The following TG variants were observed in gnomAD, a reference collection of about 807,000 sequenced individuals.
The protein encoded by TG is thyroid hormones.
Under a neutral mutation model 324.7 loss-of-function variants are expected in TG, and 270 were observed. The observed-to-expected ratio is 0.83, with a 90% confidence interval of 0.75 to 0.92. The LOEUF (loss-of-function observed/expected upper bound fraction) is 0.92, where lower values mean the gene tolerates loss of function less well. Ranked by LOEUF, TG falls within the 40% of genes least tolerant of loss-of-function variation. The probability of loss-of-function intolerance (pLI) is 0.00; values close to 1 mark genes in which losing one functional copy is unlikely to be tolerated. For synonymous variants in TG, 1,401 were observed against 1,327.0 expected, an observed-to-expected ratio of 1.06 and a Z score of -1.21; for missense variants, 3,591 against 3,456.4, an observed-to-expected ratio of 1.04 and a Z score of -0.98.
At chr8:133,012,933 G>C (rs1285519048) in intron 36 of TG, among the ~76,000 whole-genome samples, 1 of 152,220 alleles carries the variant, frequency 6.6e-6, no homozygotes, top group African/African-American at 2.4e-5. Flanking sequence ...TGACATGCAA[G>C]GGAAAGGGCA....
At chr8:133,097,774 A>ATT (rs1242029757) in intron 43 of TG, among the ~76,000 whole-genome samples, 13 of 152,330 alleles carry the variant, frequency 8.5e-5, no homozygotes, top group Admixed American at 7.8e-4. Context: ...GTATATATAT[A>ATT]CACACATGCA....
intron 6 of TG, 28 bp downstream of exon 6, chr8:132,881,997 A>G: frequency 6.8e-7 from 1 of 1,479,290 alleles, no homozygotes; most frequent in Non-Finnish European, 9.5e-7. Context: ...GGTGATCTGA[A>G]GGGAGGGAGT....
intron 41 of TG, chr8:133,049,769 G>T: frequency 1.4e-6 from 1 of 695,342 alleles, no homozygotes; most frequent in Non-Finnish European, 2.6e-6. Flanking sequence ...TATTGACTGG[G>T]TTGGGAGCAG....
At chr8:132,952,719 T>C (rs557338123) in intron 27 of TG, among the ~76,000 whole-genome samples, 1 of 152,348 alleles carries the variant, frequency 6.6e-6, no homozygotes, top group East Asian at 1.9e-4. Context: ...CACTGTATTA[T>C]GCAAAGCACT....
At chr8:132,912,771 T>C (rs1375209612) in intron 19 of TG, among the ~76,000 whole-genome samples, 1 of 152,124 alleles carries the variant, frequency 6.6e-6, no homozygotes, top group Non-Finnish European at 1.5e-5. Flanking sequence ...AGACCCGATA[T>C]CCTATGTTAA....
chr8:132,990,915 GTT>G (rs35213262), intron 35 of TG, among the ~76,000 whole-genome samples: 22,355 of 135,974 alleles, frequency 0.16, 2,112 homozygotes, highest in Middle Eastern at 0.3. Context: ...AGGAAGGCCA[GTT>G]TTTTTTTTTT....
intron 39 of TG, among the ~76,000 whole-genome samples, chr8:133,020,558 C>A (rs527486375): frequency 2.6e-5 from 4 of 152,206 alleles, no homozygotes; most frequent in African/African-American, 9.6e-5. Flanking sequence ...CAGAACAGGA[C>A]AAATGAACTC....
chr8:132,910,124 G>A (rs1318985527), intron 18 of TG, among the ~76,000 whole-genome samples: 1 of 152,152 alleles, frequency 6.6e-6, no homozygotes, highest in African/African-American at 2.4e-5. Flanking sequence ...TCACATCCAC[G>A]TTCTCACCTT....
intron 28 of TG, among the ~76,000 whole-genome samples, chr8:132,961,877 T>C (rs1441796180): frequency 6.6e-6 from 1 of 152,178 alleles, no homozygotes; most frequent in Non-Finnish European, 1.5e-5. Context: ...GCTGATAAAC[T>C]GAAAGAGCAG....
chr8:133,097,950 G>A (rs1253104666), intron 43 of TG, among the ~76,000 whole-genome samples: 2 of 152,190 alleles, frequency 1.3e-5, no homozygotes, highest in African/African-American at 4.8e-5. Flanking sequence ...GGGTGTATGA[G>A]TGAGTGTGTG....
chr8:132,887,526 T>G lies in TG; in HGVS notation c.2154T>G (p.Ser718Arg), dbSNP rs775800246. ...GTCAGGCCATTCCTGGAACTCGAAG[T>G]GCAATAGGGAAGCCCAAGAAATGTA... ...AEGQAIPGTR[S>R]AIGKPKKCPT... The change falls in exon 9 of 48, where the codon AGT (serine) becomes AGG (arginine). Residue 718 changes from serine (S) to arginine (R), a missense_variant. By Grantham distance (110) the Ser-to-Arg change is moderately radical (BLOSUM62 -1). Coordinates refer to ENST00000220616, the MANE Select transcript of TG (RefSeq NM_003235.5). 2 of 1,614,048 alleles carry G rather than the reference T, an allele frequency of 1.2e-6. No homozygotes were observed. Among genetic ancestry groups the G allele is most frequent in the Non-Finnish European group, 1.7e-6 (2 of 1,180,046 alleles).
At chr8:132,936,686 C>T (rs914262593) in intron 25 of TG, among the ~76,000 whole-genome samples, 3 of 152,194 alleles carry the variant, frequency 2.0e-5, no homozygotes, top group African/African-American at 7.2e-5. Context: ...AACTCTTTCC[C>T]TGGAATCCTG....
chr8:133,011,512 A>G (rs1587755895), intron 35 of TG, among the ~76,000 whole-genome samples: 1 of 152,208 alleles, frequency 6.6e-6, no homozygotes, highest in East Asian at 1.9e-4. Context: ...ATAGTACCAC[A>G]TGATTAACCT....
At chr8:132,942,775 A>C (rs1824640123) in intron 26 of TG, among the ~76,000 whole-genome samples, 1 of 152,334 alleles carries the variant, frequency 6.6e-6, no homozygotes, top group South Asian at 2.1e-4. Flanking sequence ...GTGAAGGAAG[A>C]GGATAACAAG....
intron 35 of TG, among the ~76,000 whole-genome samples, chr8:133,005,907 GCCAACCTGT>G (rs1833978476): frequency 6.6e-6 from 1 of 152,164 alleles, no homozygotes; most frequent in Non-Finnish European, 1.5e-5. Flanking sequence ...CTGTGTAGGA[GCCAACCTGT>G]CCGGCTTTCC....
At chr8:132,962,585 A>T (rs913150952) in intron 28 of TG, among the ~76,000 whole-genome samples, 4 of 152,190 alleles carry the variant, frequency 2.6e-5, no homozygotes, top group Non-Finnish European at 4.4e-5. Context: ...ACATTTAGTT[A>T]AATTGTTAAA....
intron 8 of TG, 140 bp downstream of exon 8, chr8:132,883,139 G>A: frequency 1.2e-6 from 1 of 856,710 alleles, no homozygotes; most frequent in Non-Finnish European, 1.8e-6. Flanking sequence ...ACCTGTCTGA[G>A]AACCAGTTTA....
At chr8:132,892,115 AC>A (rs1478197721) in intron 10 of TG, among the ~76,000 whole-genome samples, 1 of 152,234 alleles carries the variant, frequency 6.6e-6, no homozygotes, top group African/African-American at 2.4e-5. Context: ...CTAATAAATG[AC>A]CCAAAAATTG....
Position 132,887,414 on chromosome 8 carries a change from C to T in TG, c.2042C>T (p.Thr681Ile), listed in dbSNP as rs1467010676. 2.5e-6 allele frequency: 4 copies of T among 1,614,068 alleles called. No homozygotes were observed. The Admixed American group carries it at 6.7e-5, about 27-fold the overall frequency. ...ATGGGCAGCCAGCCTGCTGGCTCCACCTTGTTTGTCCCTGCTTGTACTAGT... is the reference window on the plus strand; with the variant it reads ...ATGGGCAGCCAGCCTGCTGGCTCCATCTTGTTTGTCCCTGCTTGTACTAGT... ...SLMGSQPAGS[T>I]LFVPACTSEG... Residue 681 changes from threonine (T) to isoleucine (I), a missense_variant, in exon 9 of 48, where the codon ACC becomes ATC. By Grantham distance (89) the Thr-to-Ile change is moderately conservative. Transcript: ENST00000220616.
Sources: allele counts gnomAD v4.1 joint callset (sites outside exome capture counted in the v4.1 genomes callset), GRCh38; gene constraint gnomAD v4.1.1; transcripts MANE v1.5; gene names NCBI Gene and HGNC (gene_info 2026-07-23, HGNC 2026-07-21).